KAZN: variants seen among roughly 807,000 people sequenced by gnomAD.
KAZN encodes the protein kazrin.
Under a neutral mutation model 87.4 loss-of-function variants are expected in KAZN, and 40 were observed. The observed-to-expected ratio is 0.46, with a 90% CI of 0.36 to 0.60. The LOEUF (loss-of-function observed/expected upper bound fraction) is 0.60, where lower values mean the gene tolerates loss of function less well. Among genes scored for constraint, KAZN ranks in the 20% least tolerant of loss-of-function variants. KAZN has a pLI of 0.00. For missense variants in KAZN, 898 were observed against 1,073.9 expected (o/e 0.84, Z 2.29); for synonymous variants, 466 against 458.3 (o/e 1.02, Z -0.22).
chr1:14,912,456 G>A (rs1450752262), intron 1 of KAZN, among the ~76,000 whole-genome samples: 2 of 152,172 alleles, frequency 1.3e-5, no homozygotes, highest in African/African-American at 4.8e-5. Flanking sequence ...CTGTCACCAT[G>A]TGGGATGGAA....
chr1:14,291,153 A>T (rs1653657795), intron 2 of KAZN, among the ~76,000 whole-genome samples: 1 of 152,182 alleles, frequency 6.6e-6, no homozygotes. Flanking sequence ...GACCCACTTG[A>T]GGAGGCAGAC....
intron 2 of KAZN, among the ~76,000 whole-genome samples, chr1:14,357,819 G>C (rs771441332): frequency 2.6e-5 from 4 of 152,188 alleles, no homozygotes; most frequent in Non-Finnish European, 2.9e-5. Flanking sequence ...GCTGGATTCG[G>C]TTTGCCAGTA....
At chr1:14,133,949 A>T (rs1049934988) in intron 1 of KAZN, among the ~76,000 whole-genome samples, 1 of 152,212 alleles carries the variant, frequency 6.6e-6, no homozygotes, top group Non-Finnish European at 1.5e-5. Context: ...TGGACGTTTC[A>T]TCATAGGGGA....
intron 1 of KAZN, among the ~76,000 whole-genome samples, chr1:14,033,080 T>G (rs967327986): frequency 1.3e-5 from 2 of 152,214 alleles, no homozygotes; most frequent in Non-Finnish European, 2.9e-5. Context: ...AAAAGACATT[T>G]GTTGAAGGAA....
At chr1:14,116,869 A>C (rs1644633784) in intron 1 of KAZN, among the ~76,000 whole-genome samples, 1 of 152,228 alleles carries the variant, frequency 6.6e-6, no homozygotes, top group Non-Finnish European at 1.5e-5. Context: ...CCTGAATATG[A>C]GACATGGAGT....
chr1:14,151,775 C>A (rs956260101), intron 1 of KAZN, among the ~76,000 whole-genome samples: 8 of 152,356 alleles, frequency 5.3e-5, no homozygotes, highest in Non-Finnish European at 1.0e-4. Flanking sequence ...CATCCCTCAT[C>A]ACACCTGTAA....
chr1:14,175,941 TCTC>T (rs916888293), intron 1 of KAZN, among the ~76,000 whole-genome samples: 6 of 152,114 alleles, frequency 3.9e-5, no homozygotes, highest in Non-Finnish European at 8.8e-5. Context: ...TGCCAACTCT[TCTC>T]CTCATGGCTC....
rs1396723805 is a variant in KAZN, at chr1:14,099,017, G to A, written c.92-81418G>A. Among the ~76,000 whole-genome samples, 3 of 152,152 alleles carry A rather than the reference G, an allele frequency of 2.0e-5. No individual in the cohort carries two copies. In the East Asian group the frequency reaches 5.8e-4, roughly 29 times the overall value. ...GTTTAGGGTTTGGAGCCTGGGCTAA[G>A]GCTTGGTGGGGAGAAAGGAGGCAGC... is the stretch of plus-strand genomic sequence containing the variant. On this transcript the variant is annotated intron_variant, in intron 1 of 16. Transcript: ENST00000636203.
At chr1:13,945,978 C>A (rs958096838) in intron 1 of KAZN, among the ~76,000 whole-genome samples, 1 of 152,142 alleles carries the variant, frequency 6.6e-6, no homozygotes, top group Admixed American at 6.5e-5. Flanking sequence ...CCAAAAAAGG[C>A]CTCTCTCCAG....
At chr1:14,367,938 C>G (rs1474315138) in intron 2 of KAZN, among the ~76,000 whole-genome samples, 1 of 152,086 alleles carries the variant, frequency 6.6e-6, no homozygotes, top group Non-Finnish European at 1.5e-5. Context: ...CAAAATGAAC[C>G]AGGCTACGTA....
chr1:14,901,012 C>T (rs1655822439), intron 1 of KAZN, among the ~76,000 whole-genome samples: 1 of 152,168 alleles, frequency 6.6e-6, no homozygotes, highest in Non-Finnish European at 1.5e-5. Flanking sequence ...TCCCAATGGC[C>T]ATCATACAGC....
chr1:13,934,903 T>G (rs1640661792), intron 1 of KAZN, among the ~76,000 whole-genome samples: 1 of 151,714 alleles, frequency 6.6e-6, no homozygotes, highest in Non-Finnish European at 1.5e-5. Flanking sequence ...TCAATGAGAG[T>G]TTTTACCGAG....
In KAZN at chr1:13,930,147, T is replaced by C. The variant is rs1158464227; in HGVS notation, c.91+36391T>C. Reference sequence around the variant, plus strand: ...ACATCCTGCCCCCTCTTCCTACCGATTGATGTTGAACTTGGTCAGAAGATT... The same window carrying C: ...ACATCCTGCCCCCTCTTCCTACCGACTGATGTTGAACTTGGTCAGAAGATT... On this transcript the variant is annotated intron_variant, in intron 1 of 16. Transcript: ENST00000636203. Among the ~76,000 whole-genome samples, 4 of 152,162 alleles carry C rather than the reference T, an allele frequency of 2.6e-5. No homozygotes were observed. The East Asian group carries it at 5.8e-4, about 22-fold the overall frequency.
intron 1 of KAZN, among the ~76,000 whole-genome samples, chr1:14,782,469 AC>A (rs1162787172): frequency 6.8e-6 from 1 of 146,952 alleles, no homozygotes; most frequent in Non-Finnish European, 1.5e-5. Context: ...AATCGCTTGA[AC>A]CCAGGAGGCA....
chr1:14,931,569 G>A (rs1331330255), intron 1 of KAZN, among the ~76,000 whole-genome samples: 2 of 152,120 alleles, frequency 1.3e-5, no homozygotes, highest in African/African-American at 2.4e-5. Flanking sequence ...GGATTGCAGC[G>A]GTCTGGGGTG....
intron 1 of KAZN, chr1:14,124,103 A>G (rs1221605006): frequency 6.6e-6 from 1 of 152,134 alleles, no homozygotes; most frequent in Non-Finnish European, 1.5e-5. Flanking sequence ...TATATCACAA[A>G]TCACCTTACG....
chr1:14,424,851 C>T (rs1285474901), intron 2 of KAZN, among the ~76,000 whole-genome samples: 1 of 152,226 alleles, frequency 6.6e-6, no homozygotes, highest in East Asian at 1.9e-4. Flanking sequence ...CAGGCCCCAT[C>T]TGCTTGCTGA....
chr1:14,951,291 C>T (rs1314211386), intron 1 of KAZN, among the ~76,000 whole-genome samples: 1 of 152,110 alleles, frequency 6.6e-6, no homozygotes, highest in Non-Finnish European at 1.5e-5. Context: ...GCCTCCTCAT[C>T]TCTGATTCTT....
intron 2 of KAZN, among the ~76,000 whole-genome samples, chr1:14,278,985 A>G (rs1652634185): frequency 7.5e-6 from 1 of 132,518 alleles, no homozygotes; most frequent in African/African-American, 3.0e-5. Context: ...CCACTGCGTC[A>G]ATCAGGAGGT....
Sources: allele counts gnomAD v4.1 joint callset (sites outside exome capture counted in the v4.1 genomes callset), GRCh38; gene constraint gnomAD v4.1.1; transcripts MANE v1.5; gene names NCBI Gene and HGNC (gene_info 2026-07-23, HGNC 2026-07-21).